NEK1: variants seen among roughly 807,000 people sequenced by gnomAD.
The protein encoded by NEK1 is serine/threonine-protein kinase Nek1.
In NEK1, 137 loss-of-function variants were observed where a neutral mutation model predicts 182.1. The ratio of observed to expected loss-of-function variants is 0.75; its 90% CI spans 0.65 to 0.87. The LOEUF is 0.87. Among genes scored for constraint, NEK1 ranks in the 40% least tolerant of loss-of-function variants. The probability of loss-of-function intolerance (pLI) is 0.00; values close to 1 mark genes in which losing one functional copy is unlikely to be tolerated. For missense variants in NEK1, 1,391 were observed against 1,494.4 expected, an observed-to-expected ratio of 0.93 and a Z score of 1.14; for synonymous variants, 513 against 492.2, an observed-to-expected ratio of 1.04 and a Z score of -0.56.
intron 27 of NEK1, among the ~76,000 whole-genome samples, chr4:169,458,642 A>C (rs918678582): frequency 6.6e-6 from 1 of 152,036 alleles, no homozygotes; most frequent in Non-Finnish European, 1.5e-5. Context: ...TGGGAGGATC[A>C]CATGGGCAAA....
intron 26 of NEK1, among the ~76,000 whole-genome samples, chr4:169,472,655 T>TG (rs1452020926): frequency 6.6e-6 from 1 of 152,228 alleles, no homozygotes; most frequent in Non-Finnish European, 1.5e-5. Context: ...ACAATGGCAA[T>TG]GGTCTATTGC....
At chr4:169,472,238 T>C (rs115561134) in intron 26 of NEK1, among the ~76,000 whole-genome samples, 1 of 152,114 alleles carries the variant, frequency 6.6e-6, no homozygotes, top group Non-Finnish European at 1.5e-5. Context: ...TCCAGTTTTA[T>C]GCTTGATACC....
intron 18 of NEK1, among the ~76,000 whole-genome samples, chr4:169,540,927 T>C (rs899373174): frequency 6.6e-6 from 1 of 152,094 alleles, no homozygotes; most frequent in East Asian, 1.9e-4. Context: ...AGTTATTTTC[T>C]TTCCTTTTCT....
intron 9 of NEK1, 45 bp downstream of exon 9, chr4:169,587,514 G>T (rs759244064): frequency 5.7e-6 from 6 of 1,048,738 alleles, no homozygotes; most frequent in African/African-American, 5.0e-5. Flanking sequence ...CATTATAGTC[G>T]CTTTTTAACA....
At chr4:169,508,693 A>T in intron 20 of NEK1, 76 bp downstream of exon 20, 1 of 1,124,232 alleles carries the variant, frequency 8.9e-7, no homozygotes, top group Non-Finnish European at 1.2e-6. Context: ...TTAAGAATTT[A>T]AACCATGCAA....
rs1753577290 is a variant in NEK1, at chr4:169,507,899, T to C, written c.1834-107A>G. ...TAAACTAAAATCTAAAAATATAAAA[T>C]GGAAATCATTTAATGCTGTTAGTTT... On this transcript the variant is annotated intron_variant, in intron 21 of 35. Coordinates refer to ENST00000507142, the MANE Select transcript of NEK1 (RefSeq NM_001199397.3). The C allele has an allele frequency of 8.1e-6, 7 of 865,776 alleles. No homozygotes were observed. In the South Asian group the frequency reaches 1.1e-4, roughly 14 times the overall value. 53.6% of individuals were successfully genotyped at this position (865,776 alleles called of 1,614,324 possible).
intron 2 of NEK1, among the ~76,000 whole-genome samples, chr4:169,603,942 C>G (rs1214005082): frequency 6.6e-6 from 1 of 152,150 alleles, no homozygotes; most frequent in Non-Finnish European, 1.5e-5. Flanking sequence ...CTCAGGTGAT[C>G]TGCCCGCCTT....
intron 26 of NEK1, among the ~76,000 whole-genome samples, chr4:169,466,005 A>C (rs994994500): frequency 6.6e-6 from 1 of 152,146 alleles, no homozygotes; most frequent in African/African-American, 2.4e-5. Context: ...AAAAGGAAGA[A>C]AAAAATCAAT....
chr4:169,608,954 G>A (rs374513552), intron 2 of NEK1, among the ~76,000 whole-genome samples: 7 of 151,492 alleles, frequency 4.6e-5, no homozygotes, highest in East Asian at 1.9e-4. Flanking sequence ...CCAGCTACTC[G>A]GGAGGCTGAG....
intron 23 of NEK1, among the ~76,000 whole-genome samples, chr4:169,502,389 C>T (rs1752561031): frequency 6.6e-6 from 1 of 151,932 alleles, no homozygotes; most frequent in African/African-American, 2.4e-5. Context: ...TCTACAAGAC[C>T]AGTTTCATCA....
At chr4:169,448,100 A>G (rs1184959696) in intron 27 of NEK1, among the ~76,000 whole-genome samples, 1 of 151,918 alleles carries the variant, frequency 6.6e-6, no homozygotes. Flanking sequence ...AAGCAGTGGG[A>G]CATGCTTGTA....
At position 169,585,522 on chromosome 4, in the gene NEK1, C is replaced by A. The variant is rs1205880145; in HGVS notation, c.634G>T (p.Val212Leu). Residue 212 changes from valine (V) to leucine (L), a missense_variant, in exon 10 of 36, where the codon GTA (valine) becomes TTA (leucine). Physicochemically the swap from Val to Leu is conservative, Grantham distance 32 (BLOSUM62 1). Around this residue, in one of 5 missense-constraint regions of NEK1, gnomAD observed 1,216 missense variants for 1,277.6 expected, o/e 0.95. Coordinates refer to ENST00000507142, the MANE Select transcript of NEK1 (RefSeq NM_001199397.3). ...AAAGATCCAGATATTATCTTCAGTA[C>A]CAGGTTTTTCATACTGCCAGCTTCA... is the stretch of plus-strand genomic sequence containing the variant. ...AFEAGSMKNL[V>L]LKIISGSFPP... is the part of the protein sequence containing the mutation. The A allele has an allele frequency of 6.2e-7, 1 of 1,612,460 alleles. No homozygotes were observed.
chr4:169,437,016 G>C (rs1738535807), intron 28 of NEK1, among the ~76,000 whole-genome samples: 1 of 152,148 alleles, frequency 6.6e-6, no homozygotes, highest in South Asian at 2.1e-4. Flanking sequence ...CAGACTGAAG[G>C]GGACAAACAT....
chr4:169,497,836 A>G (rs1417428576), intron 23 of NEK1, among the ~76,000 whole-genome samples: 1 of 152,124 alleles, frequency 6.6e-6, no homozygotes, highest in Admixed American at 6.5e-5. Context: ...TATGTGGTCA[A>G]TTTTGAAATA....
intron 5 of NEK1, among the ~76,000 whole-genome samples, chr4:169,598,322 T>C (rs1483036390): frequency 2.0e-5 from 3 of 152,116 alleles, no homozygotes; most frequent in South Asian, 4.1e-4. Context: ...TACTCCCCTA[T>C]GTAAAAGCGG....
intron 35 of NEK1, among the ~76,000 whole-genome samples, chr4:169,399,479 A>C (rs1450888521): frequency 6.6e-6 from 1 of 152,106 alleles, no homozygotes; most frequent in African/African-American, 2.4e-5. Context: ...TGGGAGGCTG[A>C]GGCAGGAGAA....
At chr4:169,575,757 G>A (rs956939207) in intron 12 of NEK1, among the ~76,000 whole-genome samples, 2 of 152,182 alleles carry the variant, frequency 1.3e-5, no homozygotes, top group African/African-American at 2.4e-5. Flanking sequence ...GGGCCATCGA[G>A]TGAGCTACTG....
chr4:169,429,495 C>A (rs1737022194), intron 29 of NEK1, among the ~76,000 whole-genome samples: 1 of 152,132 alleles, frequency 6.6e-6, no homozygotes, highest in Non-Finnish European at 1.5e-5. Context: ...TAGTCCCAAT[C>A]CCTCACATAC....
chr4:169,430,593 T>C (rs1579549134), intron 29 of NEK1, among the ~76,000 whole-genome samples: 1 of 152,192 alleles, frequency 6.6e-6, no homozygotes, highest in Non-Finnish European at 1.5e-5. Context: ...TGCCAGGGAT[T>C]GTGGGGTGCA....
Sources: gnomAD v4.1 joint callset for allele counts (sites outside exome capture counted in the v4.1 genomes callset) on GRCh38, gnomAD v4.1.1 for gene constraint, gnomAD v4.1.1 regional missense constraint, MANE v1.5 for transcripts, NCBI Gene and HGNC (gene_info 2026-07-23, HGNC 2026-07-21) for gene names.